The following ANO2 variants were observed in gnomAD, a reference collection of about 807,000 sequenced individuals.
ANO2 encodes the protein anoctamin 2, also known as anoctamin-2.
In ANO2, 101 loss-of-function variants were observed where a neutral mutation model predicts 124.2. The observed-to-expected ratio is 0.81, with a 90% CI of 0.69 to 0.96. The LOEUF is 0.96. Ranked by LOEUF, ANO2 falls within the 40% of genes least tolerant of loss-of-function variation. The pLI is 0.00. For synonymous variants in ANO2, 486 were observed against 482.5 expected (o/e 1.01, Z -0.09); for missense variants, 1,293 against 1,274.5 (o/e 1.01, Z -0.22).
chr12:5,613,579 G>C (rs1944650947), intron 17 of ANO2, among the ~76,000 whole-genome samples: 1 of 152,176 alleles, frequency 6.6e-6, no homozygotes, highest in African/African-American at 2.4e-5. Context: ...CAGACAATCA[G>C]AATAATCCTA....
intron 14 of ANO2, among the ~76,000 whole-genome samples, chr12:5,668,268 CATTGTGGTTTTTGAT>C (rs2136983252): frequency 6.6e-6 from 1 of 152,318 alleles, no homozygotes; most frequent in East Asian, 1.9e-4. Flanking sequence ...GATAGCATCT[CATTGTGGTTTTTGAT>C]TTGCATTTCT....
intron 14 of ANO2, among the ~76,000 whole-genome samples, chr12:5,691,347 AG>A (rs149911907): frequency 0.13 from 8,772 of 68,840 alleles, 586 homozygotes; most frequent in East Asian, 0.26. Context: ...AAAAAAAAAA[AG>A]AAGAAGAAGA....
intron 20 of ANO2, among the ~76,000 whole-genome samples, chr12:5,589,137 T>C (rs1431701974): frequency 6.6e-6 from 1 of 152,212 alleles, no homozygotes. Context: ...CAGAAACTAT[T>C]GCCCCCAATG....
chr12:5,757,539 A>G (rs1951616475), intron 10 of ANO2, among the ~76,000 whole-genome samples: 2 of 152,226 alleles, frequency 1.3e-5, no homozygotes, highest in Admixed American at 1.3e-4. Context: ...CCACACATTG[A>G]TAGAAGAACT....
chr12:5,837,051 C>T (rs1382101801), intron 4 of ANO2, among the ~76,000 whole-genome samples: 2 of 152,154 alleles, frequency 1.3e-5, no homozygotes, highest in Non-Finnish European at 2.9e-5. Context: ...ACTGGAGGAG[C>T]CCAGACTGGG....
At chr12:5,581,115 T>C (rs1041111130) in intron 20 of ANO2, among the ~76,000 whole-genome samples, 1 of 152,176 alleles carries the variant, frequency 6.6e-6, no homozygotes, top group Non-Finnish European at 1.5e-5. Flanking sequence ...TGGGGATGAA[T>C]GGAATTAACA....
chr12:5,830,540 T>G, intron 5 of ANO2, 51 bp from the exon 6 acceptor site: 1 of 1,540,958 alleles, frequency 6.5e-7, no homozygotes, highest in Non-Finnish European at 8.9e-7. Context: ...ACCCTTGCCC[T>G]GAGACCACTG....
intron 23 of ANO2, among the ~76,000 whole-genome samples, chr12:5,568,485 C>T (rs529107551): frequency 6.6e-6 from 1 of 152,226 alleles, no homozygotes; most frequent in Admixed American, 6.5e-5. Context: ...GTTTGAAAAA[C>T]CTTGATTCTC....
intron 1 of ANO2, among the ~76,000 whole-genome samples, chr12:5,943,277 T>TTGTGTG (rs138167836): frequency 0.012 from 1,800 of 148,462 alleles, 35 homozygotes; most frequent in African/African-American, 0.043. Context: ...GAGTGTGTGT[T>TTGTGTG]TGTGTGTGTG....
chr12:5,851,954 C>T (rs1257543996), intron 4 of ANO2: 3 of 741,846 alleles, frequency 4.0e-6, no homozygotes, highest in Non-Finnish European at 4.9e-6. Flanking sequence ...GAGTTTTGCT[C>T]ACCTCCTTTC....
intron 3 of ANO2, among the ~76,000 whole-genome samples, chr12:5,863,863 AT>A (rs1955346862): frequency 6.6e-6 from 1 of 152,188 alleles, no homozygotes; most frequent in South Asian, 2.1e-4. Context: ...ACTTAACAAT[AT>A]GTTATATATT....
chr12:5,792,878 T>C (rs1591623458), intron 10 of ANO2, among the ~76,000 whole-genome samples: 1 of 152,018 alleles, frequency 6.6e-6, no homozygotes, highest in Non-Finnish European at 1.5e-5. Flanking sequence ...CCAGGACCAG[T>C]GTCTGGATAA....
chr12:5,809,250 A>C (rs999536444), intron 7 of ANO2, among the ~76,000 whole-genome samples: 1 of 152,158 alleles, frequency 6.6e-6, no homozygotes, highest in South Asian at 2.1e-4. Flanking sequence ...AACCACAGCA[A>C]TGTGAAGCCA....
intron 14 of ANO2, among the ~76,000 whole-genome samples, chr12:5,669,392 T>C (rs1947882585): frequency 6.6e-6 from 1 of 152,170 alleles, no homozygotes; most frequent in Admixed American, 6.5e-5. Context: ...ATTGATTGTG[T>C]ATCCTGAGAC....
At chr12:5,603,407 T>C (rs781007955) in intron 19 of ANO2, among the ~76,000 whole-genome samples, 32 of 152,222 alleles carry the variant, frequency 2.1e-4, no homozygotes, top group Non-Finnish European at 4.4e-5. Context: ...GGCAGCGAAG[T>C]TCTCTTTGAG....
chr12:5,674,705 A>G (rs1948157979), intron 14 of ANO2, among the ~76,000 whole-genome samples: 1 of 152,128 alleles, frequency 6.6e-6, no homozygotes, highest in South Asian at 2.1e-4. Flanking sequence ...AGTGGTTATG[A>G]TTGCTGGGTT....
chr12:5,595,783 G>C (rs74056028), intron 20 of ANO2, among the ~76,000 whole-genome samples: 1 of 152,154 alleles, frequency 6.6e-6, no homozygotes, highest in South Asian at 2.1e-4. Flanking sequence ...AGGAAGCACC[G>C]TGTAAAACTA....
intron 14 of ANO2, among the ~76,000 whole-genome samples, chr12:5,708,484 A>T (rs986233255): frequency 6.6e-6 from 1 of 152,150 alleles, no homozygotes; most frequent in Non-Finnish European, 1.5e-5. Flanking sequence ...TCCTTCTACC[A>T]TGAAGGCATT....
rs533767156 is a variant in ANO2, at chr12:5,709,949, G to A, written c.1545+22571C>T. 1.3e-4 allele frequency among the ~76,000 whole-genome samples: 20 copies of A among 152,342 alleles called. No homozygotes were observed. The South Asian group carries it at 4.1e-3, about 32-fold the overall frequency. ...TACAAAATGAAAGTGAAAATGGAGT[G>A]AGAGGGCAGGGCCTTGAACACGCTT... is the stretch of plus-strand genomic sequence containing the variant. On this transcript the variant is annotated intron_variant, in intron 14 of 24. Transcript: ENST00000682330.
Sources: allele counts gnomAD v4.1 joint callset (sites outside exome capture counted in the v4.1 genomes callset), GRCh38; gene constraint gnomAD v4.1.1; transcripts MANE v1.5; gene names NCBI Gene and HGNC (gene_info 2026-07-23, HGNC 2026-07-21).